CEP83: variants seen among roughly 807,000 people sequenced by gnomAD.
CEP83 encodes centrosomal protein 83.
CEP83 carries 70 observed loss-of-function variants against 101.9 expected under a neutral mutation model. The observed-to-expected ratio is 0.69, with a 90% CI of 0.57 to 0.84. The LOEUF (loss-of-function observed/expected upper bound fraction) is 0.84, where lower values mean the gene tolerates loss of function less well. Ranked by LOEUF, CEP83 falls within the 40% of genes least tolerant of loss-of-function variation. The probability of loss-of-function intolerance (pLI) is 0.00; values close to 1 mark genes in which losing one functional copy is unlikely to be tolerated. For synonymous variants in CEP83, 264 were observed against 267.9 expected (o/e 0.99, Z 0.14); for missense variants, 715 against 787.2 (o/e 0.91, Z 1.10).
At chr12:94,277,223 T>C in the CEP83 span, 1 of 152,134 alleles carries the variant, frequency 6.6e-6, no homozygotes, top group African/African-American at 2.4e-5. Flanking sequence ...GCAGGGCAGC[T>C]CTCTGAGGCC....
At chr12:94,381,406 AACTT>A (rs763247758) in intron 6 of CEP83, among the ~76,000 whole-genome samples, 3 of 152,180 alleles carry the variant, frequency 2.0e-5, no homozygotes, top group Non-Finnish European at 4.4e-5. Flanking sequence ...TCTAAATACA[AACTT>A]ACTTGACAGA....
At chr12:94,348,510 C>A (rs1490673712) in intron 11 of CEP83, among the ~76,000 whole-genome samples, 1 of 152,004 alleles carries the variant, frequency 6.6e-6, no homozygotes, top group African/African-American at 2.4e-5. Flanking sequence ...AACTATTTCT[C>A]AAGCAGATTG....
intron 1 of CEP83, among the ~76,000 whole-genome samples, chr12:94,451,548 G>T (rs1314671626): frequency 6.9e-6 from 1 of 144,122 alleles, no homozygotes; most frequent in Non-Finnish European, 1.5e-5. Context: ...AATAACCACA[G>T]AAAAAGGTGT....
the CEP83 span, among the ~76,000 whole-genome samples, chr12:94,300,445 G>A: frequency 2.0e-5 from 3 of 152,194 alleles, no homozygotes; most frequent in Admixed American, 1.3e-4. Flanking sequence ...AGGAGAACAG[G>A]AGAGTTGGAA....
rs1031197058 is a variant in CEP83, at chr12:94,423,649, G to T, written c.-101-11058C>A. The stretch of plus-strand genomic sequence containing the variant: ...TAGTCCTTAGCAGGGCCGACGGATG[G>T]TCTCCATTCCTGGTTAACCCTCTGG... On this transcript the variant is annotated intron_variant, in intron 2 of 16. Transcript: ENST00000397809. 2.6e-6 allele frequency: 4 copies of T among 1,556,190 alleles called. No individual in the cohort carries two copies. In the African/African-American group the frequency reaches 5.5e-5, roughly 21 times the overall value.
the CEP83 span, among the ~76,000 whole-genome samples, chr12:94,284,089 A>G: frequency 4.4e-5 from 6 of 137,782 alleles, no homozygotes; most frequent in Admixed American, 1.4e-4. Flanking sequence ...TGTCAGGGGA[A>G]AAAAAAAAAA....
At chr12:94,274,590 CA>C in the CEP83 span, among the ~76,000 whole-genome samples, 5 of 152,210 alleles carry the variant, frequency 3.3e-5, no homozygotes, top group African/African-American at 1.2e-4. Context: ...TCCCTCTAAA[CA>C]GAGGGCAGAT....
At chr12:94,415,819 C>A (rs569822885) in intron 2 of CEP83, among the ~76,000 whole-genome samples, 1 of 152,036 alleles carries the variant, frequency 6.6e-6, no homozygotes, top group East Asian at 1.9e-4. Flanking sequence ...AGTAAGAACA[C>A]AGATAATTTA....
chr12:94,299,551 T>C, the CEP83 span, among the ~76,000 whole-genome samples: 1 of 147,032 alleles, frequency 6.8e-6, no homozygotes, highest in African/African-American at 2.5e-5. Flanking sequence ...TCCCTTCTCT[T>C]CCTGTGTTCT....
intron 11 of CEP83, among the ~76,000 whole-genome samples, chr12:94,349,504 A>G (rs1192197516): frequency 2.0e-5 from 3 of 152,206 alleles, no homozygotes; most frequent in Non-Finnish European, 4.4e-5. Context: ...CCATATTAAA[A>G]GAATGAAGAA....
At chr12:94,356,896 C>T (rs573622740) in intron 11 of CEP83, among the ~76,000 whole-genome samples, 6 of 152,174 alleles carry the variant, frequency 3.9e-5, no homozygotes, top group South Asian at 2.1e-4. Context: ...TGGGGGTTGG[C>T]GGCTGGGCTG....
intron 11 of CEP83, among the ~76,000 whole-genome samples, chr12:94,351,042 G>A (rs1474723193): frequency 6.6e-6 from 1 of 151,992 alleles, no homozygotes; most frequent in Non-Finnish European, 1.5e-5. Flanking sequence ...TCAGGTAAGA[G>A]TTTCTAAGGG....
At chr12:94,321,994 G>A (rs2058766423) in intron 14 of CEP83, among the ~76,000 whole-genome samples, 2 of 152,128 alleles carry the variant, frequency 1.3e-5, no homozygotes, top group African/African-American at 4.8e-5. Context: ...CAACAAGGAA[G>A]TCTGTGAAAC....
Position 94,401,027 on chromosome 12 carries a change from A to C in CEP83, c.418-46T>G, listed in dbSNP as rs781462696. On this transcript the variant is annotated intron_variant, in intron 5 of 16. Coordinates refer to ENST00000397809, the MANE Select transcript of CEP83 (RefSeq NM_016122.3). ...TCATAGATTTATAAACAAAATTCGTACTCACTCCAATAGTCACTTTTACAA... is the reference window on the plus strand; with the variant it reads ...TCATAGATTTATAAACAAAATTCGTCCTCACTCCAATAGTCACTTTTACAA... 5 of 1,097,142 alleles carry C rather than the reference A, an allele frequency of 4.6e-6. No homozygotes were observed. In the South Asian group the frequency reaches 1.6e-4, roughly 35 times the overall value. 68.0% of individuals were successfully genotyped at this position (1,097,142 alleles called of 1,614,324 possible). A position where few individuals can be genotyped will look rare whatever the true frequency, so the allele number is the denominator to read the frequency against.
Position 94,424,251 on chromosome 12 carries a change from T to C in CEP83, c.-102+11024A>G, listed in dbSNP as rs973107776. ...GCCATGATGCCCATGTCTCCATTCCTTGGCCAAGCCCGTCCATTTTGCACA... is the reference window on the plus strand; with the variant it reads ...GCCATGATGCCCATGTCTCCATTCCCTGGCCAAGCCCGTCCATTTTGCACA... On this transcript the variant is annotated intron_variant, in intron 2 of 16. Transcript: ENST00000397809. 7 of 1,614,090 alleles carry C rather than the reference T, an allele frequency of 4.3e-6. No homozygotes were observed. In the African/African-American group the frequency reaches 9.3e-5, roughly 22 times the overall value.
At chr12:94,343,405 T>C (rs2059779359) in intron 11 of CEP83, among the ~76,000 whole-genome samples, 1 of 150,954 alleles carries the variant, frequency 6.6e-6, no homozygotes, top group African/African-American at 2.4e-5. Context: ...AACATCAGAG[T>C]GTTCCACAAA....
intron 2 of CEP83, 107 bp from the exon 3 acceptor site, chr12:94,412,698 T>C (rs1248487693): frequency 1.8e-5 from 6 of 339,866 alleles, no homozygotes; most frequent in Non-Finnish European, 3.1e-5. Context: ...TTTTTCTTTT[T>C]TTTTTTTTTT....
chr12:94,297,716 A>G, the CEP83 span, among the ~76,000 whole-genome samples: 1 of 152,234 alleles, frequency 6.6e-6, no homozygotes, highest in Non-Finnish European at 1.5e-5. Context: ...GGTTGACAGC[A>G]TAATTATTCC....
At chr12:94,374,625 C>A (rs1268620471) in intron 8 of CEP83, among the ~76,000 whole-genome samples, 1 of 152,080 alleles carries the variant, frequency 6.6e-6, no homozygotes, top group Admixed American at 6.6e-5. Flanking sequence ...TCTTAGTAGG[C>A]TGGAAGGGTT....
Sources: allele counts gnomAD v4.1 joint callset (sites outside exome capture counted in the v4.1 genomes callset), GRCh38; gene constraint gnomAD v4.1.1; transcripts MANE v1.5; gene names NCBI Gene and HGNC (gene_info 2026-07-23, HGNC 2026-07-21).